The following ELL variants were observed in gnomAD, a reference collection of about 807,000 sequenced individuals.
ELL encodes the protein RNA polymerase II elongation factor ELL.
Under a neutral mutation model 64.0 loss-of-function variants are expected in ELL, and 18 were observed. The ratio of observed to expected loss-of-function variants is 0.28; its 90% CI spans 0.19 to 0.42. The LOEUF (loss-of-function observed/expected upper bound fraction) is 0.42. ELL is among the 10% of genes least tolerant of loss of function. The pLI is 1.00. For synonymous variants in ELL, 399 were observed against 376.2 expected (o/e 1.06, Z -0.70); for missense variants, 797 against 870.4 (o/e 0.92, Z 1.06).
chr19:18,459,447 G>A (rs952270295), intron 5 of ELL, among the ~76,000 whole-genome samples: 1 of 152,168 alleles, frequency 6.6e-6, no homozygotes, highest in South Asian at 2.1e-4. Context: ...TCTCCATCTT[G>A]CTGCAGGCAT....
chr19:18,503,597 A>G (rs1370762162), intron 1 of ELL, among the ~76,000 whole-genome samples: 2 of 152,148 alleles, frequency 1.3e-5, no homozygotes, highest in Non-Finnish European at 2.9e-5. Context: ...AGACACCCAG[A>G]GCTCAGGGTA....
At chr19:18,456,533 C>T (rs1057135716) in intron 6 of ELL, among the ~76,000 whole-genome samples, 2 of 152,212 alleles carry the variant, frequency 1.3e-5, no homozygotes, top group African/African-American at 2.4e-5. Context: ...AGTATATAGA[C>T]TCTGGCATGG....
At chr19:18,467,631 C>CCA (rs56351300) in intron 2 of ELL, among the ~76,000 whole-genome samples, 1,360 of 66,976 alleles carry the variant, frequency 0.02, 34 homozygotes, top group East Asian at 0.06. Flanking sequence ...CACCACACAA[C>CCA]CACACACACA....
At chr19:18,502,929 G>A (rs1272429034) in intron 1 of ELL, among the ~76,000 whole-genome samples, 2 of 152,206 alleles carry the variant, frequency 1.3e-5, no homozygotes, top group Non-Finnish European at 2.9e-5. Context: ...TATTAACAGG[G>A]CAGGCCAGCG....
chr19:18,486,113 G>T (rs1975409919), intron 1 of ELL, among the ~76,000 whole-genome samples: 1 of 152,166 alleles, frequency 6.6e-6, no homozygotes, highest in African/African-American at 2.4e-5. Context: ...ACCTTGGCAG[G>T]AAGCAACAAG....
chr19:18,482,403 C>T (rs1398411016), intron 1 of ELL, among the ~76,000 whole-genome samples: 2 of 148,640 alleles, frequency 1.3e-5, no homozygotes, highest in Non-Finnish European at 1.5e-5. Flanking sequence ...CTGCAACCTC[C>T]GCCTCCTGGG....
chr19:18,519,032 G>A (rs560394989), intron 1 of ELL, among the ~76,000 whole-genome samples: 2 of 151,950 alleles, frequency 1.3e-5, no homozygotes, highest in South Asian at 4.2e-4. Flanking sequence ...TCTAGCCCCT[G>A]CCACACCTGA....
At chr19:18,505,739 CCT>C (rs1975872171) in intron 1 of ELL, among the ~76,000 whole-genome samples, 1 of 152,120 alleles carries the variant, frequency 6.6e-6, no homozygotes, top group African/African-American at 2.4e-5. Flanking sequence ...CTTGTGTTCC[CCT>C]GATGTCCTGG....
chr19:18,467,628 CA>C (rs1974967423), intron 2 of ELL, among the ~76,000 whole-genome samples: 6 of 43,978 alleles, frequency 1.4e-4, no homozygotes, highest in African/African-American at 2.5e-4. Flanking sequence ...CCCCACCACA[CA>C]ACCACACACA....
Position 18,451,567 on chromosome 19 carries a change from C to T in ELL, c.951G>A (p.Ser317=), listed in dbSNP as rs766995108. 2.1e-5 allele frequency: 32 copies of T among 1,490,136 alleles called. No homozygotes were observed. The highest frequency in any genetic ancestry group is 5.8e-5 in the African/African-American group (4 of 69,004). 92.3% of individuals were successfully genotyped at this position (1,490,136 alleles called of 1,614,324 possible). A position where few individuals can be genotyped will look rare whatever the true frequency, so the allele number is the denominator to read the frequency against. ...ASSPPGERGR[S]ASPPQKRLQP... ...CCTCACTTACCTGTGGGGGCGAGGC[C>T]GAGCGCCCACGCTCGCCTGGGGGGC... The change falls in exon 7 of 12, where the codon TCG becomes TCA. Residue 317 remains serine, a synonymous_variant. Coordinates refer to ENST00000262809, the MANE Select transcript of ELL (RefSeq NM_006532.4).
chr19:18,461,807 G>A lies in ELL; in HGVS notation c.515C>T (p.Ala172Val), dbSNP rs749441049. The A allele has an allele frequency of 3.7e-6, 6 of 1,614,024 alleles. No individual in the cohort carries two copies. The highest frequency in any genetic ancestry group is 1.1e-5 in the South Asian group (1 of 91,084). Residue 172 changes from alanine (A) to valine (V), a missense_variant, in exon 5 of 12, where the codon GCG becomes GTG. Ala to Val is a moderately conservative substitution (Grantham distance 64, BLOSUM62 0). Coordinates refer to ENST00000262809, the MANE Select transcript of ELL (RefSeq NM_006532.4). ...FRKPAPGATD[A>V]VPSRKRATPI... Reference sequence around the variant, plus strand: ...GGTTGCCCGCTTCCGGGAGGGCACCGCGTCTGTTGCACCTGGGGCTGGTTT... The same window carrying A: ...GGTTGCCCGCTTCCGGGAGGGCACCACGTCTGTTGCACCTGGGGCTGGTTT...
chr19:18,463,054 C>T (rs1025482103), intron 4 of ELL, among the ~76,000 whole-genome samples: 4 of 152,186 alleles, frequency 2.6e-5, no homozygotes, highest in African/African-American at 4.8e-5. Context: ...CAGGGTCGGC[C>T]GAGCAAGCTC....
rs575076195 is a variant in ELL at position 18,485,762 on chromosome 19, G to A, written c.136-12880C>T. Among the ~76,000 whole-genome samples the A allele has an allele frequency of 7.2e-5, 11 of 152,160 alleles. No individual in the cohort carries two copies. In the South Asian group the frequency reaches 2.1e-3, roughly 29 times the overall value. On this transcript the variant is annotated intron_variant, in intron 1 of 11. Transcript: ENST00000262809. ...CAGCACTTTGAGAGCCAAGACGAGC[G>A]GATCACGAGGTCAGGAGATTGAGAC...
intron 5 of ELL, 48 bp from the exon 6 acceptor site, chr19:18,458,377 G>C (rs74180885): frequency 6.3e-7 from 1 of 1,588,072 alleles, no homozygotes; most frequent in Non-Finnish European, 8.6e-7. Context: ...TGAGAGAGAC[G>C]GGGGACTAGA....
At chr19:18,468,618 A>G (rs1600455529) in intron 2 of ELL, among the ~76,000 whole-genome samples, 1 of 152,286 alleles carries the variant, frequency 6.6e-6, no homozygotes. Context: ...TGGGAACCTG[A>G]GCCTGGCCTG....
At chr19:18,476,525 A>G (rs1029512925) in intron 1 of ELL, among the ~76,000 whole-genome samples, 4 of 141,072 alleles carry the variant, frequency 2.8e-5, no homozygotes. Flanking sequence ...CCAGTGAGGC[A>G]TTTAACCAGG....
rs76756636 is a variant in ELL, at chr19:18,478,898, A to G, written c.136-6016T>C. 9.8e-5 allele frequency among the ~76,000 whole-genome samples: 15 copies of G among 152,326 alleles called. No individual in the cohort carries two copies. In the East Asian group the frequency reaches 2.7e-3, roughly 27 times the overall value. ...TGAGGACACTCCTGTAAAGACAGCA[A>G]TGCCTTTGGGAAAAGGGTCGAGGGT... is the stretch of plus-strand genomic sequence containing the variant. On this transcript the variant is annotated intron_variant, in intron 1 of 11. Transcript: ENST00000262809.
chr19:18,495,577 A>G (rs1975632251), intron 1 of ELL, among the ~76,000 whole-genome samples: 1 of 152,162 alleles, frequency 6.6e-6, no homozygotes, highest in African/African-American at 2.4e-5. Flanking sequence ...CTCCCACTGC[A>G]GCTGAAGGAG....
At chr19:18,452,676 G>A (rs1275826507) in intron 6 of ELL, among the ~76,000 whole-genome samples, 1 of 152,244 alleles carries the variant, frequency 6.6e-6, no homozygotes, top group African/African-American at 2.4e-5. Flanking sequence ...ATCACTGCTG[G>A]TGGGGCTGCA....
Sources: gnomAD v4.1 joint callset for allele counts (sites outside exome capture counted in the v4.1 genomes callset) on GRCh38, gnomAD v4.1.1 for gene constraint, MANE v1.5 for transcripts, NCBI Gene and HGNC (gene_info 2026-07-23, HGNC 2026-07-21) for gene names.